The following PKNOX1 variants were observed in gnomAD, a reference collection of about 807,000 sequenced individuals.
PKNOX1 encodes PBX/knotted 1 homeobox 1.
A neutral mutation model predicts 51.9 loss-of-function variants in PKNOX1; 15 were observed. The ratio of observed to expected loss-of-function variants is 0.29; its 90% CI spans 0.19 to 0.45. The LOEUF (loss-of-function observed/expected upper bound fraction) is 0.45, where lower values mean the gene tolerates loss of function less well. Among genes scored for constraint, PKNOX1 ranks in the 20% least tolerant of loss-of-function variants. PKNOX1 has a pLI of 1.00. For synonymous variants in PKNOX1, 219 were observed against 211.1 expected, an observed-to-expected ratio of 1.04 and a Z score of -0.32; for missense variants, 462 against 547.5, an observed-to-expected ratio of 0.84 and a Z score of 1.56.
chr21:42,986,017 A>ATT (rs1555857937), intron 1 of PKNOX1, among the ~76,000 whole-genome samples: 21,966 of 147,560 alleles, frequency 0.15, 2,002 homozygotes, highest in African/African-American at 0.26. Context: ...AAAAAAAAAA[A>ATT]TTAAAAAAAA....
At chr21:43,016,679 G>A (rs2839620) in intron 5 of PKNOX1, among the ~76,000 whole-genome samples, 5,339 of 152,324 alleles carry the variant, frequency 0.035, 133 homozygotes, top group Middle Eastern at 0.061. Context: ...GGAAGCCACA[G>A]TGCAGGCTGA....
intron 1 of PKNOX1, among the ~76,000 whole-genome samples, chr21:43,000,748 T>C (rs566694294): frequency 6.6e-6 from 1 of 152,116 alleles, no homozygotes; most frequent in Admixed American, 6.5e-5. Context: ...GCCAGCATGG[T>C]GGTGTGGGCC....
chr21:42,999,696 G>A (rs2146255402), intron 1 of PKNOX1, among the ~76,000 whole-genome samples: 1 of 152,080 alleles, frequency 6.6e-6, no homozygotes, highest in East Asian at 1.9e-4. Context: ...GGTCAGGCTG[G>A]TCTCAAACTC....
At chr21:43,029,175 C>G (rs192711610) in intron 10 of PKNOX1, among the ~76,000 whole-genome samples, 254 of 152,290 alleles carry the variant, frequency 1.7e-3, no homozygotes, top group African/African-American at 5.8e-3. Flanking sequence ...TCTGTGTTTG[C>G]TCTCCTTTTC....
intron 5 of PKNOX1, among the ~76,000 whole-genome samples, chr21:43,015,066 A>G (rs1166507485): frequency 6.6e-6 from 1 of 152,244 alleles, no homozygotes; most frequent in Non-Finnish European, 1.5e-5. Context: ...TTTTTGACAC[A>G]TAAGTTGTGT....
chr21:43,006,500 AT>A (rs199665999), intron 2 of PKNOX1, among the ~76,000 whole-genome samples: 126 of 145,164 alleles, frequency 8.7e-4, no homozygotes, highest in East Asian at 2.4e-3. Flanking sequence ...TATTGCTTTT[AT>A]TTTTTTTTTT....
intron 7 of PKNOX1, 120 bp downstream of exon 7, chr21:43,018,350 G>T: frequency 1.6e-6 from 1 of 622,910 alleles, no homozygotes; most frequent in South Asian, 1.9e-5. Flanking sequence ...AGCAATTTCT[G>T]GTTTCTCTGA....
At position 43,033,727 on chromosome 21, in the gene PKNOX1, C is replaced by T. The variant is rs1601311567; in HGVS notation, c.*3626C>T. ...TTGAGAAACTAGGACCACACTGCAT[C>T]GGACTAGTCAGGTCCATTTACATGT... is the stretch of plus-strand genomic sequence containing the variant. On this transcript the variant is annotated 3_prime_UTR_variant, in exon 11 of 11. Coordinates refer to ENST00000291547, the MANE Select transcript of PKNOX1 (RefSeq NM_004571.5). The T allele has an allele frequency of 6.6e-6, 1 of 152,180 alleles. No homozygotes were observed. Among genetic ancestry groups the T allele is most frequent in the Non-Finnish European group, 1.5e-5 (1 of 68,032 alleles). The allele number at this position is 152,180 out of a possible 1,614,324, so 9.4% of individuals were successfully genotyped here.
intron 3 of PKNOX1, among the ~76,000 whole-genome samples, chr21:43,009,782 C>CA (rs552749878): frequency 3.0e-3 from 464 of 152,228 alleles, no homozygotes; most frequent in Non-Finnish European, 4.5e-3. Flanking sequence ...CAAGTAGGTT[C>CA]TAACAGGCTG....
At position 43,004,331 on chromosome 21, in the gene PKNOX1, A is replaced by AT; in HGVS notation, c.-49dup. ...TTTCTGGTTTTGTTCTCCAGACACC[A>AT]TTCGCTTTTCACCCAAGATGATTTG... On this transcript the variant is annotated 5_prime_UTR_variant, in exon 2 of 11. An upstream open reading frame in the 5' UTR loses its in-frame stop. Coordinates refer to ENST00000291547, the MANE Select transcript of PKNOX1 (RefSeq NM_004571.5). The AT allele has an allele frequency of 8.1e-7, 1 of 1,237,076 alleles. No homozygotes were observed. Among genetic ancestry groups the AT allele is most frequent in the Non-Finnish European group, 1.2e-6 (1 of 836,724 alleles). The allele number at this position is 1,237,076 out of a possible 1,614,324, so 76.6% of individuals were successfully genotyped here.
chr21:43,028,839 C>T lies in PKNOX1; in HGVS notation c.1064C>T (p.Ala355Val), dbSNP rs901452260. 1 of 1,614,146 alleles carries T rather than the reference C, an allele frequency of 6.2e-7. No homozygotes were observed. Residue 355 changes from alanine to valine, a missense_variant, in exon 10 of 11, where the codon GCA becomes GTA. Ala to Val is a moderately conservative substitution (Grantham distance 64). Coordinates refer to ENST00000291547, the MANE Select transcript of PKNOX1 (RefSeq NM_004571.5). Reference protein sequence around the residue: ...FWPDSIASGVAQPPPSELTMS... With the variant: ...FWPDSIASGVVQPPPSELTMS... ...CCTGATTCTATTGCATCAGGAGTCG[C>T]ACAGCCACCGCCGAGCGAGCTCACC...
At chr21:42,990,879 T>G (rs1400442228) in intron 1 of PKNOX1, among the ~76,000 whole-genome samples, 2 of 152,154 alleles carry the variant, frequency 1.3e-5, no homozygotes, top group Admixed American at 1.3e-4. Context: ...TATCCTTCTT[T>G]GGAGGTCAGC....
chr21:42,993,534 T>C (rs1450704057), intron 1 of PKNOX1, among the ~76,000 whole-genome samples: 10 of 152,022 alleles, frequency 6.6e-5, no homozygotes, highest in Admixed American at 6.6e-4. Flanking sequence ...TTTTTTTTTT[T>C]TCACAATTCT....
chr21:43,030,217 G>C lies in PKNOX1; in HGVS notation c.*116G>C, dbSNP rs1980195294. The C allele has an allele frequency of 1.8e-5, 15 of 844,930 alleles. No individual in the cohort carries two copies. The South Asian group carries it at 2.4e-4, about 14-fold the overall frequency. The allele number at this position is 844,930 out of a possible 1,614,324, so 52.3% of individuals were successfully genotyped here. A position where few individuals can be genotyped will look rare whatever the true frequency, so the allele number is the denominator to read the frequency against. ...GAAGAGTGCACTTTTGTATTTCATA[G>C]TAAGCTTAAAGCGCGTCTTTGCCGG... is the stretch of plus-strand genomic sequence containing the variant. On this transcript the variant is annotated 3_prime_UTR_variant, in exon 11 of 11. Coordinates refer to ENST00000291547, the MANE Select transcript of PKNOX1 (RefSeq NM_004571.5).
At chr21:42,998,812 G>A (rs1182994711) in intron 1 of PKNOX1, among the ~76,000 whole-genome samples, 5 of 152,226 alleles carry the variant, frequency 3.3e-5, no homozygotes, top group African/African-American at 1.2e-4. Context: ...GGCTTTGCGG[G>A]ATACAGCCTC....
chr21:43,025,760 T>G (rs1979960058), intron 9 of PKNOX1, among the ~76,000 whole-genome samples: 1 of 152,228 alleles, frequency 6.6e-6, no homozygotes, highest in Non-Finnish European at 1.5e-5. Context: ...ATTCTTCCAG[T>G]TGTAAACATT....
At chr21:42,994,925 T>C (rs1568892446) in intron 1 of PKNOX1, among the ~76,000 whole-genome samples, 1 of 144,988 alleles carries the variant, frequency 6.9e-6, no homozygotes, top group African/African-American at 2.5e-5. Context: ...CTTCTTTTTT[T>C]TTTTTTTTTT....
chr21:42,974,759 CGCCGCT>C (rs1175783880), intron 1 of PKNOX1, 95 bp downstream of exon 1: 2 of 161,616 alleles, frequency 1.2e-5, no homozygotes, highest in African/African-American at 4.9e-5. Flanking sequence ...CGCCCGCCGC[CGCCGCT>C]GCCGCCCGGG....
chr21:43,001,820 C>T (rs565708900), intron 1 of PKNOX1, among the ~76,000 whole-genome samples: 3 of 151,938 alleles, frequency 2.0e-5, no homozygotes, highest in East Asian at 1.9e-4. Flanking sequence ...ATTAGCCGGA[C>T]GTAGTCGCAG....
Sources: gnomAD v4.1 joint callset for allele counts (sites outside exome capture counted in the v4.1 genomes callset) on GRCh38, gnomAD v4.1.1 for gene constraint, MANE v1.5 for transcripts, NCBI Gene and HGNC (gene_info 2026-07-23, HGNC 2026-07-21) for gene names.